The following TMEM135 variants were observed in gnomAD, a reference collection of about 807,000 sequenced individuals.
TMEM135 encodes the protein peroxisomal membrane protein 52.
A neutral mutation model predicts 60.3 loss-of-function variants in TMEM135; 30 were observed. That is an observed-to-expected ratio of 0.50 (90% CI 0.37 to 0.68). The LOEUF (loss-of-function observed/expected upper bound fraction) is 0.68, where lower values mean the gene tolerates loss of function less well. TMEM135 is among the 30% of genes least tolerant of loss of function. The pLI is 0.00. For synonymous variants in TMEM135, 190 were observed against 186.7 expected, an observed-to-expected ratio of 1.02 and a Z score of -0.14; for missense variants, 468 against 548.8, an observed-to-expected ratio of 0.85 and a Z score of 1.47.
At chr11:87,230,925 G>T (rs945250013) in intron 5 of TMEM135, among the ~76,000 whole-genome samples, 6 of 151,946 alleles carry the variant, frequency 3.9e-5, no homozygotes, top group Admixed American at 3.3e-4. Flanking sequence ...TGATACCCGT[G>T]ATAGATTTGC....
chr11:87,244,750 T>G (rs1941220279), intron 6 of TMEM135, among the ~76,000 whole-genome samples: 1 of 148,002 alleles, frequency 6.8e-6, no homozygotes. Flanking sequence ...TTTTCTTCTT[T>G]ATTAGTCTTG....
chr11:87,132,684 T>C (rs1937968185), intron 4 of TMEM135, among the ~76,000 whole-genome samples: 1 of 152,116 alleles, frequency 6.6e-6, no homozygotes, highest in South Asian at 2.1e-4. Context: ...AACAACAACT[T>C]TATTGAAGTT....
At chr11:87,067,623 G>C in intron 1 of TMEM135, 71 bp from the exon 2 acceptor site, 1 of 1,588,604 alleles carries the variant, frequency 6.3e-7, no homozygotes, top group Non-Finnish European at 8.6e-7. Flanking sequence ...TTATACAGTA[G>C]CTTCCACATA....
intron 6 of TMEM135, among the ~76,000 whole-genome samples, chr11:87,295,459 G>A (rs919022006): frequency 6.6e-6 from 1 of 152,140 alleles, no homozygotes; most frequent in African/African-American, 2.4e-5. Flanking sequence ...TGGTCCCCTA[G>A]GGATTTGTAG....
At chr11:87,267,268 AT>A (rs1247692325) in intron 6 of TMEM135, among the ~76,000 whole-genome samples, 3 of 152,208 alleles carry the variant, frequency 2.0e-5, no homozygotes, top group African/African-American at 7.2e-5. Flanking sequence ...GATGAAAAAA[AT>A]TATCATCTAT....
intron 6 of TMEM135, among the ~76,000 whole-genome samples, chr11:87,249,020 T>C (rs1197923599): frequency 6.6e-6 from 1 of 152,200 alleles, no homozygotes; most frequent in Admixed American, 6.5e-5. Flanking sequence ...TTTAGGTTTT[T>C]CCATGTCTAT....
At chr11:87,228,587 G>C (rs918539098) in intron 5 of TMEM135, among the ~76,000 whole-genome samples, 10 of 152,074 alleles carry the variant, frequency 6.6e-5, no homozygotes, top group Admixed American at 1.3e-4. Context: ...AATAGTGAAG[G>C]CTAGCTAGGT....
chr11:87,091,433 A>G, intron 4 of TMEM135, 38 bp downstream of exon 4: 1 of 1,598,236 alleles, frequency 6.3e-7, no homozygotes, highest in Non-Finnish European at 8.6e-7. Context: ...TCTTCCCATA[A>G]GCTATATCTT....
intron 4 of TMEM135, among the ~76,000 whole-genome samples, chr11:87,112,853 CCT>C (rs1377518911): frequency 6.6e-6 from 1 of 151,524 alleles, no homozygotes; most frequent in African/African-American, 2.4e-5. Flanking sequence ...TTTAGTAGTA[CCT>C]CTCAGCAGAT....
chr11:87,275,429 G>A (rs545242160), intron 6 of TMEM135, among the ~76,000 whole-genome samples: 2 of 152,012 alleles, frequency 1.3e-5, no homozygotes, highest in African/African-American at 4.8e-5. Context: ...TAAGGCAAGG[G>A]CTCTTGACTA....
rs539159262 is a variant in TMEM135 at position 87,255,093 on chromosome 11, T to C, written c.509+18409T>C. 3.9e-5 allele frequency among the ~76,000 whole-genome samples: 6 copies of C among 152,268 alleles called. No individual in the cohort carries two copies. In the South Asian group the frequency reaches 1.2e-3, roughly 32 times the overall value. ...CCTTCCTCTTTTTTTCCCTTTCTTC[T>C]CCATTTCTCCCCCACTCTGACACCA... On this transcript the variant is annotated intron_variant, in intron 6 of 14. Coordinates refer to ENST00000305494, the MANE Select transcript of TMEM135 (RefSeq NM_022918.4).
chr11:87,122,236 A>G (rs1018794720), intron 4 of TMEM135, among the ~76,000 whole-genome samples: 3 of 150,868 alleles, frequency 2.0e-5, no homozygotes, highest in African/African-American at 7.3e-5. Flanking sequence ...CCCCATAACA[A>G]TGACTGCTGT....
intron 8 of TMEM135, among the ~76,000 whole-genome samples, chr11:87,304,274 G>A (rs978397076): frequency 2.6e-5 from 4 of 152,140 alleles, no homozygotes; most frequent in Middle Eastern, 3.2e-3. Flanking sequence ...AGGAGGCTGA[G>A]GTGGGAGGAT....
At chr11:87,104,053 T>C (rs1857531973) in intron 4 of TMEM135, among the ~76,000 whole-genome samples, 1 of 152,174 alleles carries the variant, frequency 6.6e-6, no homozygotes, top group Admixed American at 6.5e-5. Flanking sequence ...CTTTTAGTCA[T>C]TTTATGGAAG....
rs138146342 is a variant in TMEM135 at position 87,181,569 on chromosome 11, G to C, written c.462+24163G>C. Among the ~76,000 whole-genome samples the C allele has an allele frequency of 5.0e-3, 764 of 152,242 alleles. 11 individuals are homozygous for C. The highest frequency in any genetic ancestry group is 0.017 in the African/African-American group (727 of 41,550). ...GACATGGAGACCCAGATCAGTGTTT[G>C]TCAGAGATTGGAAGCACAGGGAAGG... On this transcript the variant is annotated intron_variant, in intron 5 of 14. Transcript: ENST00000305494.
intron 5 of TMEM135, among the ~76,000 whole-genome samples, chr11:87,161,414 T>A (rs1938874223): frequency 6.6e-6 from 1 of 152,188 alleles, no homozygotes; most frequent in African/African-American, 2.4e-5. Flanking sequence ...TGTTAGAAGA[T>A]AAGGTTACTC....
At chr11:87,160,299 A>G (rs926256005) in intron 5 of TMEM135, among the ~76,000 whole-genome samples, 3 of 152,186 alleles carry the variant, frequency 2.0e-5, no homozygotes, top group Non-Finnish European at 4.4e-5. Flanking sequence ...TGAAAGTAAG[A>G]TAGTCTTTGA....
chr11:87,247,932 C>A (rs573456850), intron 6 of TMEM135, among the ~76,000 whole-genome samples: 57 of 151,910 alleles, frequency 3.8e-4, no homozygotes, highest in Admixed American at 3.0e-3. Flanking sequence ...ATGCAGAAAT[C>A]ACCCGTCTTC....
At chr11:87,137,854 A>G (rs1938146579) in intron 4 of TMEM135, among the ~76,000 whole-genome samples, 1 of 152,092 alleles carries the variant, frequency 6.6e-6, no homozygotes, top group Admixed American at 6.5e-5. Context: ...ATATTTACAA[A>G]AGTACACTCT....
Sources: gnomAD v4.1 joint callset for allele counts (sites outside exome capture counted in the v4.1 genomes callset) on GRCh38, gnomAD v4.1.1 for gene constraint, MANE v1.5 for transcripts, NCBI Gene and HGNC (gene_info 2026-07-23, HGNC 2026-07-21) for gene names.